Variants in TYR observed in about 807,000 individuals in gnomAD.
The protein encoded by TYR is LB24-AB.
A neutral mutation model predicts 51.5 loss-of-function variants in TYR; 58 were observed. That is an observed-to-expected ratio of 1.13 (90% CI 0.91 to 1.40). The LOEUF is 1.40. Ranked by LOEUF, TYR falls within the 40% of genes most tolerant of loss-of-function variation. TYR has a pLI of 0.00. For synonymous variants in TYR, 263 were observed against 235.2 expected, an observed-to-expected ratio of 1.12 and a Z score of -1.08; for missense variants, 732 against 647.4, an observed-to-expected ratio of 1.13 and a Z score of -1.42.
At chr11:89,186,784 T>G (rs12806466) in intron 1 of TYR, among the ~76,000 whole-genome samples, 33,450 of 152,018 alleles carry the variant, frequency 0.22, 5,726 homozygotes, top group African/African-American at 0.48. Flanking sequence ...TGGAGGTAGG[T>G]CTTTAAGGAA....
intron 2 of TYR, among the ~76,000 whole-genome samples, chr11:89,212,732 T>C (rs1943776683): frequency 6.6e-6 from 1 of 152,130 alleles, no homozygotes; most frequent in Non-Finnish European, 1.5e-5. Context: ...TCAAAAAGCT[T>C]ATCCACCACA....
At chr11:89,199,391 A>G (rs1010756297) in intron 2 of TYR, among the ~76,000 whole-genome samples, 2 of 152,170 alleles carry the variant, frequency 1.3e-5, no homozygotes, top group African/African-American at 2.4e-5. Context: ...AGTAAAGTGA[A>G]TTTATGTAAG....
At chr11:89,236,440 A>T (rs571126220) in intron 3 of TYR, among the ~76,000 whole-genome samples, 100 of 152,322 alleles carry the variant, frequency 6.6e-4, no homozygotes, top group African/African-American at 2.3e-3. Flanking sequence ...AGAATTCTCT[A>T]TTAATTCTAT....
chr11:89,254,267 G>A (rs1944362957), intron 3 of TYR, among the ~76,000 whole-genome samples: 1 of 151,720 alleles, frequency 6.6e-6, no homozygotes, highest in Non-Finnish European at 1.5e-5. Flanking sequence ...GTTCACCAGG[G>A]ATATTGGTCT....
At chr11:89,214,006 C>T (rs975242911) in intron 2 of TYR, among the ~76,000 whole-genome samples, 2 of 152,166 alleles carry the variant, frequency 1.3e-5, no homozygotes, top group Admixed American at 6.5e-5. Context: ...AAAACCTAGG[C>T]AATACCGTTG....
At position 89,234,619 on chromosome 11, in the gene TYR, C is replaced by T. The variant is rs1944088313; in HGVS notation, c.1184+6649C>T. ...AGGCCATTTTAGGGTTATTAATTGG[C>T]CCAATCTCAATATTTTTGTGTCTTG... is the stretch of plus-strand genomic sequence containing the variant. On this transcript the variant is annotated intron_variant, in intron 3 of 4. Transcript: ENST00000263321. 1.4e-5 allele frequency among the ~76,000 whole-genome samples: 2 copies of T among 142,156 alleles called. 1 individual carries two copies. The highest frequency in any genetic ancestry group is 3.0e-5 in the Non-Finnish European group (2 of 66,466). The allele number at this position is 142,156 out of a possible 152,430, so 93.3% of individuals were successfully genotyped here.
At position 89,276,540 on chromosome 11, in the gene TYR, C is replaced by T. The variant is rs370484791; in HGVS notation, c.1185-8233C>T. On this transcript the variant is annotated intron_variant, in intron 3 of 4. Coordinates refer to ENST00000263321, the MANE Select transcript of TYR (RefSeq NM_000372.5). ...AAGTATGATTTCACATTATCTCCTT[C>T]GTTGTATTTCTTATGCTAATACATA... Among the ~76,000 whole-genome samples the T allele has an allele frequency of 4.6e-4, 70 of 151,768 alleles. 4 individuals carry two copies. In the South Asian group the frequency reaches 0.014, roughly 30 times the overall value.
At position 89,178,274 on chromosome 11, in the gene TYR, T is replaced by C; in HGVS notation, c.321T>C (p.Phe107=). The change falls in exon 1 of 5, where the codon TTT becomes TTC. Residue 107 remains phenylalanine, a synonymous_variant. Coordinates refer to ENST00000263321, the MANE Select transcript of TYR (RefSeq NM_000372.5). ...GFNCGNCKFG[F]WGPNCTERRL... ...ACTGTGGAAACTGCAAGTTTGGCTT[T>C]TGGGGACCAAACTGCACAGAGAGAC... The C allele has an allele frequency of 6.2e-7, 1 of 1,614,204 alleles. No homozygotes were observed. The highest frequency in any genetic ancestry group is 1.3e-5 in the African/African-American group (1 of 75,058).
At chr11:89,225,923 T>A (rs1943969989) in intron 2 of TYR, among the ~76,000 whole-genome samples, 1 of 152,022 alleles carries the variant, frequency 6.6e-6, no homozygotes, top group Non-Finnish European at 1.5e-5. Context: ...ATTTGATCAT[T>A]ACACCTTGTA....
At chr11:89,182,541 G>C (rs982786206) in intron 1 of TYR, among the ~76,000 whole-genome samples, 2 of 152,170 alleles carry the variant, frequency 1.3e-5, no homozygotes, top group Non-Finnish European at 2.9e-5. Context: ...AGCTGAGTGT[G>C]ATTTAAATGA....
At chr11:89,278,433 C>T (rs1590897183) in intron 3 of TYR, among the ~76,000 whole-genome samples, 1 of 151,526 alleles carries the variant, frequency 6.6e-6, no homozygotes, top group African/African-American at 2.4e-5. Flanking sequence ...TATATTCATT[C>T]ATTTTTTAAA....
chr11:89,245,217 C>G (rs1944248910), intron 3 of TYR, among the ~76,000 whole-genome samples: 1 of 152,076 alleles, frequency 6.6e-6, no homozygotes, highest in South Asian at 2.1e-4. Context: ...AAAGAAACTT[C>G]AGAAAAGTCA....
intron 3 of TYR, among the ~76,000 whole-genome samples, chr11:89,258,955 T>TATTA (rs1944426362): frequency 6.6e-6 from 1 of 152,048 alleles, no homozygotes; most frequent in Admixed American, 6.6e-5. Flanking sequence ...ATTTTCTAAG[T>TATTA]CATACCTACC....
At position 89,284,758 on chromosome 11, in the gene TYR, C is replaced by T. The variant is rs201662043; in HGVS notation, c.1185-15C>T. ...ACAATATGTTTCTTAGTCTGAATAA[C>T]CTTTTCCTCTGCAGTATTTTTGAGC... On this transcript the variant is annotated splice_polypyrimidine_tract_variant and intron_variant, in intron 3 of 4. Coordinates refer to ENST00000263321, the MANE Select transcript of TYR (RefSeq NM_000372.5). 4 of 1,610,828 alleles carry T rather than the reference C, an allele frequency of 2.5e-6. No homozygotes were observed. Among genetic ancestry groups the T allele is most frequent in the Non-Finnish European group, 1.7e-6 (2 of 1,177,764 alleles).
chr11:89,197,890 G>T (rs1421466306), intron 2 of TYR, among the ~76,000 whole-genome samples: 1 of 139,616 alleles, frequency 7.2e-6, no homozygotes, highest in Admixed American at 6.8e-5. Context: ...TTATAAAGCT[G>T]ATATTATGCT....
At chr11:89,262,870 A>AAAAAC (rs1944477678) in intron 3 of TYR, among the ~76,000 whole-genome samples, 1 of 140,718 alleles carries the variant, frequency 7.1e-6, no homozygotes, top group African/African-American at 2.8e-5. Flanking sequence ...AAAAAAAAAA[A>AAAAAC]AACAACAACA....
chr11:89,203,838 G>A (rs1196516785), intron 2 of TYR, among the ~76,000 whole-genome samples: 2 of 152,152 alleles, frequency 1.3e-5, no homozygotes, highest in Non-Finnish European at 2.9e-5. Flanking sequence ...GTGCAGAAAA[G>A]TTTTAAACAG....
chr11:89,178,800 G>C (rs539948496), intron 1 of TYR, 28 bp downstream of exon 1: 1 of 1,609,966 alleles, frequency 6.2e-7, no homozygotes, highest in South Asian at 1.1e-5. Context: ...TACGATGTCA[G>C]AGTAGGGAGG....
intron 3 of TYR, among the ~76,000 whole-genome samples, chr11:89,246,554 A>G (rs1317765049): frequency 2.0e-5 from 3 of 152,170 alleles, no homozygotes; most frequent in Non-Finnish European, 4.4e-5. Flanking sequence ...ATGTGTAGGA[A>G]TCTAGTTTAG....
Sources: gnomAD v4.1 joint callset for allele counts (sites outside exome capture counted in the v4.1 genomes callset) on GRCh38, gnomAD v4.1.1 for gene constraint, MANE v1.5 for transcripts, NCBI Gene and HGNC (gene_info 2026-07-23, HGNC 2026-07-21) for gene names.